The following PDE10A variants were observed in gnomAD, a reference collection of about 807,000 sequenced individuals.
PDE10A encodes the protein phosphodiesterase 10A.
PDE10A carries 39 observed loss-of-function variants against 97.7 expected under a neutral mutation model. The ratio of observed to expected loss-of-function variants is 0.40; its 90% confidence interval spans 0.31 to 0.52. The LOEUF is 0.52. Ranked by LOEUF, PDE10A falls within the 20% of genes least tolerant of loss-of-function variation. The pLI, the probability that PDE10A is intolerant of heterozygous loss-of-function variation, is 0.56. For synonymous variants in PDE10A, 371 were observed against 376.8 expected (o/e 0.98, Z 0.18); for missense variants, 731 against 1,047.8 (o/e 0.70, Z 4.17).
intron 10 of PDE10A, among the ~76,000 whole-genome samples, chr6:165,421,263 G>A (rs1342525037): frequency 4.0e-5 from 6 of 151,786 alleles, no homozygotes; most frequent in Non-Finnish European, 5.9e-5. Flanking sequence ...GCAACATGGC[G>A]AGACCCCTTC....
intron 1 of PDE10A, among the ~76,000 whole-genome samples, chr6:165,831,109 G>A (rs1266229281): frequency 1.3e-5 from 2 of 152,066 alleles, no homozygotes; most frequent in African/African-American, 4.8e-5. Context: ...GCCAGGCCGG[G>A]CGCGGTGGCT....
chr6:165,958,975 G>C (rs955238179), intron 1 of PDE10A, among the ~76,000 whole-genome samples: 2 of 152,100 alleles, frequency 1.3e-5, no homozygotes, highest in African/African-American at 4.8e-5. Flanking sequence ...AGTGCTTGAG[G>C]GCCAGCTACA....
intron 2 of PDE10A, among the ~76,000 whole-genome samples, chr6:165,503,315 C>T (rs1192171119): frequency 1.3e-5 from 2 of 152,154 alleles, no homozygotes; most frequent in African/African-American, 2.4e-5. Context: ...CCCTTAAAAC[C>T]GCTTCAAATC....
intron 1 of PDE10A, among the ~76,000 whole-genome samples, chr6:165,694,874 C>T (rs547625841): frequency 6.6e-6 from 1 of 152,266 alleles, no homozygotes; most frequent in African/African-American, 2.4e-5. Flanking sequence ...GTGTTACCTC[C>T]CTAAAAACAG....
rs78376039 is a variant in PDE10A, at chr6:165,740,079, C to T, written c.-614-196511G>A. Among the ~76,000 whole-genome samples the T allele has an allele frequency of 3.7e-3, 556 of 152,196 alleles. 3 individuals carry two copies. The highest frequency in any genetic ancestry group is 0.013 in the African/African-American group (534 of 41,520). On this transcript the variant is annotated intron_variant, in intron 1 of 19. Coordinates refer to the PDE10A transcript ENST00000366882. ...ACTCAAAGGACTAAAAATGGAATTA[C>T]CATATGACCTGGCAATTCTACTGTT...
chr6:165,403,858 A>G (rs2128221993), intron 13 of PDE10A, among the ~76,000 whole-genome samples: 1 of 152,298 alleles, frequency 6.6e-6, no homozygotes, highest in Middle Eastern at 3.4e-3. Flanking sequence ...AATTTTATTT[A>G]ACCTAACGAC....
chr6:165,593,954 T>C (rs994041532), intron 1 of PDE10A, among the ~76,000 whole-genome samples: 1 of 152,270 alleles, frequency 6.6e-6, no homozygotes, highest in Non-Finnish European at 1.5e-5. Context: ...CAGACTAACC[T>C]ATAATGTATA....
intron 1 of PDE10A, among the ~76,000 whole-genome samples, chr6:165,633,447 G>A (rs1189219783): frequency 6.6e-6 from 1 of 151,974 alleles, no homozygotes; most frequent in African/African-American, 2.4e-5. Context: ...AGAAATTACA[G>A]AGTAGAAAAA....
At chr6:165,462,693 GGCA>G (rs1304786932) in intron 3 of PDE10A, among the ~76,000 whole-genome samples, 2 of 152,134 alleles carry the variant, frequency 1.3e-5, no homozygotes, top group African/African-American at 4.8e-5. Flanking sequence ...TGTCACAGAT[GGCA>G]GAAGAAAACC....
chr6:165,381,560 A>T (rs1011960445), intron 17 of PDE10A, among the ~76,000 whole-genome samples: 1 of 151,294 alleles, frequency 6.6e-6, no homozygotes, highest in Non-Finnish European at 1.5e-5. Context: ...TGCTTCCTGG[A>T]TTCAAGCGAT....
chr6:165,685,652 C>T (rs1791094837), intron 1 of PDE10A, among the ~76,000 whole-genome samples: 1 of 152,060 alleles, frequency 6.6e-6, no homozygotes, highest in Non-Finnish European at 1.5e-5. Flanking sequence ...GTGTACCCAA[C>T]CATTGAAGGT....
intron 1 of PDE10A, among the ~76,000 whole-genome samples, chr6:165,770,317 A>G (rs1450492616): frequency 6.6e-6 from 1 of 152,196 alleles, no homozygotes; most frequent in Non-Finnish European, 1.5e-5. Flanking sequence ...TTTTTAAAAA[A>G]AAAGAAAGAA....
intron 1 of PDE10A, among the ~76,000 whole-genome samples, chr6:165,816,103 C>G (rs1341672870): frequency 2.6e-5 from 4 of 152,154 alleles, no homozygotes; most frequent in Admixed American, 1.3e-4. Flanking sequence ...GCGCCCACCA[C>G]CACTCCTGGC....
intron 1 of PDE10A, among the ~76,000 whole-genome samples, chr6:165,642,742 T>C (rs769575020): frequency 1.3e-5 from 2 of 152,226 alleles, no homozygotes; most frequent in Non-Finnish European, 2.9e-5. Context: ...GCCTAGGTAA[T>C]TCGCTCACAT....
chr6:165,599,165 C>T (rs1372497214), intron 1 of PDE10A, among the ~76,000 whole-genome samples: 6 of 152,246 alleles, frequency 3.9e-5, no homozygotes, highest in Non-Finnish European at 7.3e-5. Context: ...AACTCCTCCA[C>T]TACTGTGACT....
intron 1 of PDE10A, among the ~76,000 whole-genome samples, chr6:165,874,194 TC>T (rs1309432262): frequency 1.2e-4 from 18 of 152,168 alleles, no homozygotes; most frequent in Non-Finnish European, 2.2e-4. Context: ...ATCTCAAGTT[TC>T]CCAGTTAGCA....
At chr6:165,914,774 C>T (rs565128436) in intron 1 of PDE10A, among the ~76,000 whole-genome samples, 26 of 152,270 alleles carry the variant, frequency 1.7e-4, no homozygotes, top group African/African-American at 2.2e-4. Context: ...GTGTCACACA[C>T]GGGCAAAGAT....
At chr6:165,843,311 C>G (rs1465940690) in intron 1 of PDE10A, among the ~76,000 whole-genome samples, 1 of 151,940 alleles carries the variant, frequency 6.6e-6, no homozygotes, top group East Asian at 1.9e-4. Context: ...CAGCAGAGGG[C>G]ATCCCAGAGC....
At position 165,333,360 on chromosome 6, in the gene PDE10A, G is replaced by T. The variant is rs555733871; in HGVS notation, c.3066-233C>A. 1.0e-3 allele frequency among the ~76,000 whole-genome samples: 155 copies of T among 152,278 alleles called. 1 individual carries two copies. Among genetic ancestry groups the T allele is most frequent in the Non-Finnish European group, 1.3e-3 (90 of 68,030 alleles). On this transcript the variant is annotated intron_variant, in intron 21 of 21. Coordinates refer to ENST00000539869, the MANE Select transcript of PDE10A (RefSeq NM_001385079.1). ...CACCTTGGTCCATCCGCTCTGGACCGCGAAAGCAGCAGAAATGCTAGGGCT... is the reference window on the plus strand; with the variant it reads ...CACCTTGGTCCATCCGCTCTGGACCTCGAAAGCAGCAGAAATGCTAGGGCT...
Sources: gnomAD v4.1 joint callset for allele counts (sites outside exome capture counted in the v4.1 genomes callset) on GRCh38, gnomAD v4.1.1 for gene constraint, MANE v1.5 for transcripts, NCBI Gene and HGNC (gene_info 2026-07-23, HGNC 2026-07-21) for gene names.